COL23A1: variants seen among roughly 807,000 people sequenced by gnomAD.
COL23A1 encodes the protein collagen alpha-1(XXIII) chain.
COL23A1 carries 97 observed loss-of-function variants against 99.3 expected under a neutral mutation model. The ratio of observed to expected loss-of-function variants is 0.98; its 90% confidence interval spans 0.83 to 1.16. The LOEUF is 1.16. Among genes scored for constraint, COL23A1 ranks in the 50% most tolerant of loss-of-function variants. The pLI is 0.00. For missense variants in COL23A1, 762 were observed against 757.4 expected, an observed-to-expected ratio of 1.01 and a Z score of -0.07; for synonymous variants, 320 against 308.2, an observed-to-expected ratio of 1.04 and a Z score of -0.40.
chr5:178,310,144 C>G lies in COL23A1; in HGVS notation c.362-3225G>C, dbSNP rs190543191. 1.5e-3 allele frequency among the ~76,000 whole-genome samples: 230 copies of G among 152,356 alleles called. 2 individuals are homozygous for G. The highest frequency in any genetic ancestry group is 4.9e-3 in the African/African-American group (204 of 41,578). ...CTTTCCCGGACTGCGAGAAGACAGGCGGTGAGGCCCTGGGAGAGGGCGAGT... is the reference window on the plus strand; with the variant it reads ...CTTTCCCGGACTGCGAGAAGACAGGGGGTGAGGCCCTGGGAGAGGGCGAGT... On this transcript the variant is annotated intron_variant, in intron 2 of 28. Coordinates refer to ENST00000390654, the MANE Select transcript of COL23A1 (RefSeq NM_173465.4). The surrounding 1 kb of genome is among the most constrained non-coding windows in gnomAD (Gnocchi z 4.3).
chr5:178,541,457 C>T (rs113743170), intron 2 of COL23A1, among the ~76,000 whole-genome samples: 2,315 of 152,138 alleles, frequency 0.015, 61 homozygotes, highest in African/African-American at 0.053. Flanking sequence ...GTGTGGTGGT[C>T]CTCGCTGCTT....
At chr5:178,364,249 G>T (rs1422694612) in intron 2 of COL23A1, among the ~76,000 whole-genome samples, 2 of 152,178 alleles carry the variant, frequency 1.3e-5, no homozygotes, top group African/African-American at 4.8e-5. Flanking sequence ...TGAGAAGAAA[G>T]CTCCACACAT....
intron 2 of COL23A1, among the ~76,000 whole-genome samples, chr5:178,422,261 G>A (rs911669889): frequency 1.3e-5 from 2 of 152,124 alleles, no homozygotes. Flanking sequence ...CCAGCACCCA[G>A]CACCTTCTAG....
rs188906012 is a variant in COL23A1 at position 178,375,496 on chromosome 5, C to A, written c.362-68577G>T. Among the ~76,000 whole-genome samples the A allele has an allele frequency of 6.6e-3, 1,001 of 152,382 alleles. 7 individuals are homozygous for A. The highest frequency in any genetic ancestry group is 0.01 in the Non-Finnish European group (699 of 68,046). On this transcript the variant is annotated intron_variant, in intron 2 of 28. Transcript: ENST00000390654. ...AACCCTGCAATGACTTTCTGTCTCA[C>A]ACAGAGTCGATGGTCTCACCTCACG... is the stretch of plus-strand genomic sequence containing the variant.
rs192711976 is a variant in COL23A1 at position 178,412,065 on chromosome 5, C to T, written c.362-105146G>A. On this transcript the variant is annotated intron_variant, in intron 2 of 28. Transcript: ENST00000390654. ...CCTTATAAACACACTCATGAATGTA[C>T]GTGTAACTGTAACATTGTATATAAT... 3.9e-5 allele frequency among the ~76,000 whole-genome samples: 6 copies of T among 152,202 alleles called. No individual in the cohort carries two copies. In the East Asian group the frequency reaches 5.8e-4, roughly 15 times the overall value.
chr5:178,278,794 C>T (rs1215500738), intron 5 of COL23A1, among the ~76,000 whole-genome samples: 1 of 152,234 alleles, frequency 6.6e-6, no homozygotes, highest in African/African-American at 2.4e-5. Context: ...AGCGCGTTTC[C>T]TCCTCTGCAA....
At chr5:178,425,206 T>C (rs1474433602) in intron 2 of COL23A1, among the ~76,000 whole-genome samples, 1 of 152,132 alleles carries the variant, frequency 6.6e-6, no homozygotes, top group Non-Finnish European at 1.5e-5. Flanking sequence ...GCAGATCACC[T>C]GAGGTCAGGA....
chr5:178,285,672 C>T (rs1757111822), intron 5 of COL23A1, among the ~76,000 whole-genome samples: 1 of 152,206 alleles, frequency 6.6e-6, no homozygotes, highest in African/African-American at 2.4e-5. Flanking sequence ...GTAGCCTGCC[C>T]AAGTCCACAC....
chr5:178,442,455 T>C (rs1244349820), intron 2 of COL23A1, among the ~76,000 whole-genome samples: 2 of 152,182 alleles, frequency 1.3e-5, no homozygotes, highest in Non-Finnish European at 1.5e-5. Context: ...CCTGAGCATG[T>C]CAAAAGCAAT....
intron 2 of COL23A1, among the ~76,000 whole-genome samples, chr5:178,477,146 TGAGAGATAGCGGCTG>T (rs1294706402): frequency 1.8e-4 from 27 of 152,210 alleles, no homozygotes; most frequent in African/African-American, 5.3e-4. Context: ...CATAAGAGGC[TGAGAGATAGCGGCTG>T]TTGACATGAC....
chr5:178,418,878 G>A lies in COL23A1; in HGVS notation c.362-111959C>T, dbSNP rs550141097. Among the ~76,000 whole-genome samples the A allele has an allele frequency of 5.0e-4, 76 of 152,302 alleles. 2 individuals carry two copies. The South Asian group carries it at 0.015, about 30-fold the overall frequency. ...TGCAGAGATCCAGGTATCATGCAAA[G>A]ACTAGGATCATGCAATTACAGGTTT... On this transcript the variant is annotated intron_variant, in intron 2 of 28. Coordinates refer to ENST00000390654, the MANE Select transcript of COL23A1 (RefSeq NM_173465.4).
intron 25 of COL23A1, among the ~76,000 whole-genome samples, chr5:178,243,912 A>C (rs1379925302): frequency 2.6e-5 from 4 of 152,186 alleles, no homozygotes; most frequent in Non-Finnish European, 5.9e-5. Flanking sequence ...CCATTGATGG[A>C]ACCCAGCACC....
At chr5:178,465,761 C>T (rs952010888) in intron 2 of COL23A1, among the ~76,000 whole-genome samples, 1 of 152,204 alleles carries the variant, frequency 6.6e-6, no homozygotes, top group African/African-American at 2.4e-5. Context: ...AGTGATCGTG[C>T]TACACACGGT....
chr5:178,579,050 T>C lies in COL23A1; in HGVS notation c.294+10854A>G, dbSNP rs1465222354. On this transcript the variant is annotated intron_variant, in intron 1 of 28. Transcript: ENST00000390654. ...TCTTTGCATTTCTTCAACAACCAACTCACATTTCTCTGCTCCTTGACTCAG... is the reference window on the plus strand; with the variant it reads ...TCTTTGCATTTCTTCAACAACCAACCCACATTTCTCTGCTCCTTGACTCAG... Among the ~76,000 whole-genome samples the C allele has an allele frequency of 2.0e-5, 3 of 152,330 alleles. No individual in the cohort carries two copies. In the South Asian group the frequency reaches 6.2e-4, roughly 32 times the overall value.
At chr5:178,503,209 C>T (rs1418791554) in intron 2 of COL23A1, among the ~76,000 whole-genome samples, 1 of 152,152 alleles carries the variant, frequency 6.6e-6, no homozygotes, top group African/African-American at 2.4e-5. Context: ...GGTGAAACTC[C>T]ACGTCTGCTA....
intron 2 of COL23A1, among the ~76,000 whole-genome samples, chr5:178,557,676 C>T (rs959183322): frequency 1.3e-5 from 2 of 152,180 alleles, no homozygotes; most frequent in African/African-American, 4.8e-5. Context: ...GACAGGGAGC[C>T]CCACTGCAGA....
chr5:178,276,243 G>A (rs555324400), intron 5 of COL23A1, among the ~76,000 whole-genome samples: 10 of 151,950 alleles, frequency 6.6e-5, no homozygotes, highest in Non-Finnish European at 1.0e-4. Context: ...CCCCAAGATC[G>A]GCTCCAGCAT....
At chr5:178,344,974 GA>G in intron 2 of COL23A1, 6 of 594,614 alleles carry the variant, frequency 1.0e-5, no homozygotes, top group Middle Eastern at 2.9e-4. Context: ...CAGAAGAGGT[GA>G]AAAAGGAACC....
intron 2 of COL23A1, among the ~76,000 whole-genome samples, chr5:178,460,308 A>G (rs1229582866): frequency 6.6e-6 from 1 of 152,092 alleles, no homozygotes; most frequent in East Asian, 1.9e-4. Context: ...CCAAGGGGAA[A>G]ATAACCACAA....
Sources: gnomAD v4.1 joint callset for allele counts (sites outside exome capture counted in the v4.1 genomes callset) on GRCh38, gnomAD v4.1.1 for gene constraint, Gnocchi (gnomAD v3.1) non-coding constraint, MANE v1.5 for transcripts, NCBI Gene and HGNC (gene_info 2026-07-23, HGNC 2026-07-21) for gene names.